The following ZSWIM5 variants were observed in gnomAD, a reference collection of about 807,000 sequenced individuals.
The protein encoded by ZSWIM5 is zinc finger SWIM-type containing 5, also known as zinc finger SWIM domain-containing protein 5.
ZSWIM5 carries 55 observed loss-of-function variants against 119.6 expected under a neutral mutation model. That is an observed-to-expected ratio of 0.46 (90% CI 0.37 to 0.58). The LOEUF is 0.58. Among genes scored for constraint, ZSWIM5 ranks in the 20% least tolerant of loss-of-function variants. ZSWIM5 has a pLI of 0.00. For synonymous variants in ZSWIM5, 537 were observed against 606.9 expected (o/e 0.88, Z 1.69); for missense variants, 1,193 against 1,512.8 (o/e 0.79, Z 3.51).
rs375180057 is a variant in ZSWIM5, at chr1:45,040,429, C to G, written c.1719G>C (p.Gln573His). ...VAIINTLRLQQQRQLEIYKHQ... is the reference protein window; with the variant it reads ...VAIINTLRLQHQRQLEIYKHQ... ...GCTTGTAGATTTCCAGTTGCCGCTG[C>G]TGCTGCAACCTCAGAGTATTAATAA... Residue 573 changes from glutamine to histidine, a missense_variant, in exon 7 of 14, where the codon CAG becomes CAC. Transcript: ENST00000359600. 1 of 1,611,204 alleles carries G rather than the reference C, an allele frequency of 6.2e-7. No homozygotes were observed. Among genetic ancestry groups the G allele is most frequent in the Non-Finnish European group, 8.5e-7 (1 of 1,178,730 alleles).
intron 4 of ZSWIM5, among the ~76,000 whole-genome samples, chr1:45,052,768 A>G (rs1047320684): frequency 2.6e-5 from 4 of 151,810 alleles, no homozygotes; most frequent in Admixed American, 6.6e-5. Flanking sequence ...AAAAAAAAAA[A>G]AGAAAAAACC....
intron 1 of ZSWIM5, among the ~76,000 whole-genome samples, chr1:45,198,586 C>T (rs1419985953): frequency 2.0e-5 from 3 of 152,210 alleles, no homozygotes; most frequent in Non-Finnish European, 4.4e-5. Flanking sequence ...CAACAATGTT[C>T]CTGCTCATTC....
intron 1 of ZSWIM5, among the ~76,000 whole-genome samples, chr1:45,102,050 A>AAC (rs1345936986): frequency 2.0e-5 from 3 of 151,998 alleles, no homozygotes; most frequent in South Asian, 2.1e-4. Context: ...AAAAAAAAAA[A>AAC]AACTGTGAAC....
intron 1 of ZSWIM5, among the ~76,000 whole-genome samples, chr1:45,135,264 G>A (rs1205063582): frequency 6.6e-6 from 1 of 152,128 alleles, no homozygotes; most frequent in East Asian, 1.9e-4. Flanking sequence ...GTTGCTAAGG[G>A]ATGAGGTAGG....
At chr1:45,054,653 T>C (rs977630264) in intron 4 of ZSWIM5, among the ~76,000 whole-genome samples, 2 of 139,202 alleles carry the variant, frequency 1.4e-5, no homozygotes, top group African/African-American at 4.9e-5. Flanking sequence ...GAAATTAAAA[T>C]TTTACGTAAT....
chr1:45,130,142 C>A (rs1645646653), intron 1 of ZSWIM5, among the ~76,000 whole-genome samples: 1 of 152,230 alleles, frequency 6.6e-6, no homozygotes, highest in Non-Finnish European at 1.5e-5. Flanking sequence ...AAGTGATCCA[C>A]ATGCCTTGGC....
intron 1 of ZSWIM5, among the ~76,000 whole-genome samples, chr1:45,176,916 C>A (rs1453964306): frequency 1.3e-5 from 2 of 152,090 alleles, no homozygotes; most frequent in Non-Finnish European, 1.5e-5. Flanking sequence ...GGCTCTAGCA[C>A]CCCATGCTAG....
At chr1:45,069,091 C>T (rs112725858) in intron 2 of ZSWIM5, among the ~76,000 whole-genome samples, 7 of 151,938 alleles carry the variant, frequency 4.6e-5, no homozygotes, top group East Asian at 1.9e-4. Context: ...GAATTACTGG[C>T]GTGAACCATC....
rs533850625 is a variant in ZSWIM5, at chr1:45,044,471, C to T, written c.1433-1076G>A. On this transcript the variant is annotated intron_variant, in intron 5 of 13. Transcript: ENST00000359600. ...GGGTGCGGTGGCTCACGCCTGTAAT[C>T]CCAGAGCTTTGGGAGGCTGAGGTGG... Among the ~76,000 whole-genome samples, 3 of 151,022 alleles carry T rather than the reference C, an allele frequency of 2.0e-5. No homozygotes were observed. In the South Asian group the frequency reaches 6.3e-4, roughly 32 times the overall value.
intron 1 of ZSWIM5, among the ~76,000 whole-genome samples, chr1:45,164,431 G>C (rs1645886938): frequency 6.6e-6 from 1 of 152,012 alleles, no homozygotes; most frequent in Non-Finnish European, 1.5e-5. Flanking sequence ...AAAATAACCA[G>C]CTAACATCAT....
intron 11 of ZSWIM5, among the ~76,000 whole-genome samples, chr1:45,033,951 C>T (rs1569998817): frequency 6.6e-6 from 1 of 151,882 alleles, no homozygotes; most frequent in Non-Finnish European, 1.5e-5. Context: ...CAAGCTCTGC[C>T]TCACGCCATT....
chr1:45,172,403 C>A (rs1229444502), intron 1 of ZSWIM5, among the ~76,000 whole-genome samples: 1 of 152,006 alleles, frequency 6.6e-6, no homozygotes, highest in Non-Finnish European at 1.5e-5. Flanking sequence ...ATTAGCAGTG[C>A]AGATATATTC....
At chr1:45,046,070 G>C (rs1282764119) in intron 5 of ZSWIM5, among the ~76,000 whole-genome samples, 2 of 151,998 alleles carry the variant, frequency 1.3e-5, no homozygotes, top group Non-Finnish European at 2.9e-5. Flanking sequence ...AATCACAGGA[G>C]ATGAGGTCAG....
At chr1:45,074,808 ATTG>A (rs1413975864) in intron 2 of ZSWIM5, among the ~76,000 whole-genome samples, 2 of 151,380 alleles carry the variant, frequency 1.3e-5, no homozygotes, top group Non-Finnish European at 2.9e-5. Flanking sequence ...GCATCATTAG[ATTG>A]TTTATTTGAA....
Position 45,036,099 on chromosome 1 carries a change from G to C in ZSWIM5, c.2095C>G (p.Leu699Val). Residue 699 changes from leucine to valine, a missense_variant, in exon 9 of 14, where the codon CTG (leucine) becomes GTG (valine). Coordinates refer to ENST00000359600, the MANE Select transcript of ZSWIM5 (RefSeq NM_020883.2). ...TGCACTAGCTCATCGTCCAGCTGCA[G>C]CTCTTGGAGTTGGCTCAGGAGCTGC... ...EEQLLSQLQE[L>V]QLDDELVQTL... 2 of 1,614,162 alleles carry C rather than the reference G, an allele frequency of 1.2e-6. No homozygotes were observed. Among genetic ancestry groups the C allele is most frequent in the Non-Finnish European group, 1.7e-6 (2 of 1,180,040 alleles).
chr1:45,170,508 T>C (rs1369900206), intron 1 of ZSWIM5, among the ~76,000 whole-genome samples: 1 of 152,030 alleles, frequency 6.6e-6, no homozygotes, highest in African/African-American at 2.4e-5. Context: ...CACTGCAACT[T>C]TGAACTTTTG....
chr1:45,158,004 ATTGAG>A (rs1012617104), intron 1 of ZSWIM5, among the ~76,000 whole-genome samples: 9 of 151,962 alleles, frequency 5.9e-5, no homozygotes, highest in Non-Finnish European at 1.0e-4. Context: ...TCCATATCTT[ATTGAG>A]TTTTCTTTTT....
At position 45,036,202 on chromosome 1, in the gene ZSWIM5, A is replaced by G; in HGVS notation, c.1992T>C (p.Val664=). ...SESYLSLALE[V]ALMGLGQQRL... ...TCTGTTGACCCAGGCCCATCAGTGC[A>G]ACTTCCAGGGCCAATGACAGGTAGG... Residue 664 remains valine (V), a synonymous_variant, in exon 9 of 14, where the codon GTT becomes GTC. Coordinates refer to ENST00000359600, the MANE Select transcript of ZSWIM5 (RefSeq NM_020883.2). 1 of 1,614,080 alleles carries G rather than the reference A, an allele frequency of 6.2e-7. No individual in the cohort carries two copies. The highest frequency in any genetic ancestry group is 8.5e-7 in the Non-Finnish European group (1 of 1,180,020).
chr1:45,081,581 G>C lies in ZSWIM5; in HGVS notation c.952+6300C>G, dbSNP rs1442561029. Among the ~76,000 whole-genome samples, 3 of 152,236 alleles carry C rather than the reference G, an allele frequency of 2.0e-5. No individual in the cohort carries two copies. The East Asian group carries it at 5.8e-4, about 29-fold the overall frequency. Reference sequence around the variant, plus strand: ...GCCAGCCTCGGCCTCCCGAGGTGCCGGGATTGCAGACGGAGTCTGGTTCAC... The same window carrying C: ...GCCAGCCTCGGCCTCCCGAGGTGCCCGGATTGCAGACGGAGTCTGGTTCAC... On this transcript the variant is annotated intron_variant, in intron 2 of 13. Transcript: ENST00000359600.
Sources: gnomAD v4.1 joint callset for allele counts (sites outside exome capture counted in the v4.1 genomes callset) on GRCh38, gnomAD v4.1.1 for gene constraint, MANE v1.5 for transcripts, NCBI Gene and HGNC (gene_info 2026-07-23, HGNC 2026-07-21) for gene names.